Variants in ADPGK observed in about 807,000 individuals in gnomAD.
ADPGK encodes the protein ADP-dependent glucokinase.
ADPGK carries 26 observed loss-of-function variants against 42.4 expected under a neutral mutation model. The ratio of observed to expected loss-of-function variants is 0.61; its 90% confidence interval spans 0.45 to 0.85. The LOEUF (loss-of-function observed/expected upper bound fraction) is 0.85, where lower values mean the gene tolerates loss of function less well. Among genes scored for constraint, ADPGK ranks in the 40% least tolerant of loss-of-function variants. The pLI is 0.00. For missense variants in ADPGK, 571 were observed against 627.0 expected (o/e 0.91, Z 0.95); for synonymous variants, 267 against 252.6 (o/e 1.06, Z -0.54).
At chr15:72,773,153 T>C (rs2066349628) in intron 2 of ADPGK, among the ~76,000 whole-genome samples, 1 of 152,002 alleles carries the variant, frequency 6.6e-6, no homozygotes, top group African/African-American at 2.4e-5. Flanking sequence ...AATCTCATAA[T>C]GTTTTAAGAA....
chr15:72,758,665 ACT>A (rs1237206260), intron 4 of ADPGK: 1 of 175,520 alleles, frequency 5.7e-6, no homozygotes, highest in South Asian at 1.3e-4. Context: ...GGATGGAGAC[ACT>A]CTCTTTGTGC....
Position 72,756,299 on chromosome 15 carries a change from G to A in ADPGK, c.792C>T (p.His264=), listed in dbSNP as rs769363786. The A allele has an allele frequency of 6.2e-7, 1 of 1,614,214 alleles. No homozygotes were observed. The highest frequency in any genetic ancestry group is 8.5e-7 in the Non-Finnish European group (1 of 1,180,050). Residue 264 remains histidine, a synonymous_variant, in exon 5 of 7, where the codon CAC becomes CAT. Coordinates refer to ENST00000456471, the MANE Select transcript of ADPGK (RefSeq NM_001365225.1). ...QPDLVVLSGL[H]MMEGQSKELQ... is the part of the protein sequence containing the mutation. ...GCTCCTTGCTTTGTCCCTCCATCAT[G>A]TGCAATCCAGAGAGGACCACCAGGT...
intron 6 of ADPGK, among the ~76,000 whole-genome samples, chr15:72,754,704 A>G (rs2151068980): frequency 6.6e-6 from 1 of 152,338 alleles, no homozygotes; most frequent in East Asian, 1.9e-4. Context: ...CATTTTAACC[A>G]TATGGCTATG....
chr15:72,756,440 C>T lies in ADPGK; in HGVS notation c.651G>A (p.Glu217=), dbSNP rs1193757464. Residue 217 remains glutamate (E), a synonymous_variant, in exon 5 of 7, where the codon GAG becomes GAA. Transcript: ENST00000456471. ...CATGGGGAGCTTTTAACTGGCCCCA[C>T]TCCTCCCCTGGAAAAACCCAGTCAA... ...HLILEYQAGE[E]WGQLKAPHAN... The T allele has an allele frequency of 1.2e-6, 2 of 1,614,162 alleles. No homozygotes were observed. The highest frequency in any genetic ancestry group is 8.5e-7 in the Non-Finnish European group (1 of 1,180,030).
chr15:72,766,370 T>C (rs1595796726), intron 3 of ADPGK, among the ~76,000 whole-genome samples: 1 of 152,212 alleles, frequency 6.6e-6, no homozygotes, highest in East Asian at 1.9e-4. Context: ...AGTTAACTGA[T>C]GTGGCAAACT....
In ADPGK at chr15:72,752,903, AAAC is replaced by A. The variant is rs746752094; in HGVS notation, c.940-11_940-9del. The A allele has an allele frequency of 1.5e-5, 24 of 1,604,414 alleles. No individual in the cohort carries two copies. The East Asian group carries it at 2.7e-4, about 18-fold the overall frequency. On this transcript the variant is annotated splice_polypyrimidine_tract_variant and intron_variant, in intron 6 of 6. Coordinates refer to ENST00000456471, the MANE Select transcript of ADPGK (RefSeq NM_001365225.1). ...CACCGCGGGAAAGACCTGCTAACAA[AAAC>A]AACAACAGGTATCTTTCTGATGGAG...
rs192015434 is a variant in ADPGK, at chr15:72,760,515, C to T, written c.535G>A (p.Gly179Ser). The T allele has an allele frequency of 2.9e-4, 462 of 1,602,892 alleles. No homozygotes were observed. The African/African-American group carries it at 5.4e-3, about 19-fold the overall frequency. ...ANSDLKVLLC[G>S]PVGPKLHELL... ...TCATGTAGCTTTGGACCAACTGGAC[C>T]GCAAAGAAGAACCTGGAGGCAAGCA... The change falls in exon 4 of 7, where the codon GGT (glycine) becomes AGT (serine). Residue 179 changes from glycine to serine, a missense_variant. This residue lies in a region of ADPGK where 434 missense variants were observed against 522.7 expected (regional missense o/e 0.83). Coordinates refer to ENST00000456471, the MANE Select transcript of ADPGK (RefSeq NM_001365225.1).
rs145859476 is a variant in ADPGK at position 72,758,414 on chromosome 15, G to A, written c.644-1967C>T. Reference sequence around the variant, plus strand: ...ACAATGGGCTTCTCTGGGGAGATCTGGTAAGAGAGAATGTGGAAAAAAAAA... The same window carrying A: ...ACAATGGGCTTCTCTGGGGAGATCTAGTAAGAGAGAATGTGGAAAAAAAAA... On this transcript the variant is annotated intron_variant, in intron 4 of 6. Transcript: ENST00000456471. 7.5e-3 allele frequency: 3,674 copies of A among 486,992 alleles called. 103 individuals carry two copies. Among genetic ancestry groups the A allele is most frequent in the South Asian group, 0.051 (2,221 of 43,642 alleles). The allele number at this position is 486,992 out of a possible 1,614,324, so 30.2% of individuals were successfully genotyped here.
intron 3 of ADPGK, 47 bp from the exon 4 acceptor site, chr15:72,760,574 C>T: frequency 6.4e-7 from 1 of 1,569,190 alleles, no homozygotes. Flanking sequence ...GTTCCTTTCC[C>T]CACAGAACCT....
At chr15:72,759,844 G>C (rs2151074986) in intron 4 of ADPGK, among the ~76,000 whole-genome samples, 2 of 152,336 alleles carry the variant, frequency 1.3e-5, no homozygotes, top group Admixed American at 1.3e-4. Context: ...GGGAAGAGGG[G>C]ATGGGATGCA....
chr15:72,783,423 C>A, intron 1 of ADPGK, 36 bp downstream of exon 1: 1 of 1,326,646 alleles, frequency 7.5e-7, no homozygotes, highest in African/African-American at 1.5e-5. Flanking sequence ...AGGCCGACCT[C>A]GGAGGCTCAG....
intron 6 of ADPGK, 124 bp from the exon 7 acceptor site, chr15:72,753,019 A>C: frequency 2.1e-6 from 2 of 945,546 alleles, no homozygotes; most frequent in South Asian, 3.5e-5. Context: ...TTGATACAGG[A>C]CTCCCTGGCC....
At position 72,752,732 on chromosome 15, in the gene ADPGK, C is replaced by G. The variant is rs760005191; in HGVS notation, c.1103G>C (p.Arg368Thr). 1.2e-6 allele frequency: 2 copies of G among 1,614,192 alleles called. No homozygotes were observed. Among genetic ancestry groups the G allele is most frequent in the South Asian group, 2.2e-5 (2 of 91,086 alleles). ...ILFWILKEHG[R>T]SKSRASDLTR... ...GAGATCCGAGGCTCTGCTTTTACTC[C>G]TCCCATGTTCTTTCAAGATCCAGAA... The change falls in exon 7 of 7, where the codon AGG (arginine) becomes ACG (threonine). Residue 368 changes from arginine (R) to threonine (T), a missense_variant. Transcript: ENST00000456471.
chr15:72,756,703 CCT>C (rs1348138393), intron 4 of ADPGK: 32 of 501,446 alleles, frequency 6.4e-5, no homozygotes, highest in East Asian at 5.6e-4. Flanking sequence ...ATTAGCTCCC[CCT>C]GAGTCCCAGG....
intron 1 of ADPGK, among the ~76,000 whole-genome samples, chr15:72,779,272 G>C (rs1024360022): frequency 2.7e-5 from 3 of 110,884 alleles, no homozygotes; most frequent in African/African-American, 1.1e-4. Flanking sequence ...TTTTGAGATA[G>C]AGTCTCACTC....
At chr15:72,755,741 T>A (rs1595787925) in intron 5 of ADPGK, 87 bp from the exon 6 acceptor site, 1 of 1,046,130 alleles carries the variant, frequency 9.6e-7, no homozygotes, top group South Asian at 1.4e-5. Context: ...TGAGAGGCGG[T>A]TCCTCCTGGT....
rs749692214 is a variant in ADPGK, at chr15:72,783,606, C to G, written c.86G>C (p.Gly29Ala). Residue 29 changes from glycine to alanine, a missense_variant, in exon 1 of 7, where the codon GGC (glycine) becomes GCC (alanine). Physicochemically the swap from Gly to Ala is moderately conservative, Grantham distance 60. This residue lies in a region of ADPGK where 137 missense variants were observed against 104.2 expected (regional missense o/e 1.31). Transcript: ENST00000456471. ...CVFLLEPELPGSALRSLWSSL... is the reference protein window; with the variant it reads ...CVFLLEPELPASALRSLWSSL... ...GCTCCAGAGAGAGCGCAGCGCCGAG[C>G]CTGGCAGCTCTGGCTCCAGCAGGAA... is the stretch of plus-strand genomic sequence containing the variant. 2 of 1,516,232 alleles carry G rather than the reference C, an allele frequency of 1.3e-6. No homozygotes were observed. Among genetic ancestry groups the G allele is most frequent in the South Asian group, 2.4e-5 (2 of 81,776 alleles). The allele number at this position is 1,516,232 out of a possible 1,614,324, so 93.9% of individuals were successfully genotyped here.
At chr15:72,780,802 A>C (rs2151096533) in intron 1 of ADPGK, among the ~76,000 whole-genome samples, 1 of 152,268 alleles carries the variant, frequency 6.6e-6, no homozygotes, top group African/African-American at 2.4e-5. Context: ...AAACTAAACA[A>C]GATATCCAAT....
At chr15:72,768,243 A>G (rs370600528) in intron 3 of ADPGK, among the ~76,000 whole-genome samples, 7 of 152,110 alleles carry the variant, frequency 4.6e-5, no homozygotes, top group East Asian at 3.8e-4. Context: ...GGATTTCCCT[A>G]TATCTATTAA....
Sources: allele counts gnomAD v4.1 joint callset (sites outside exome capture counted in the v4.1 genomes callset), GRCh38; gene constraint gnomAD v4.1.1; regional missense constraint gnomAD v4.1.1; transcripts MANE v1.5; gene names NCBI Gene and HGNC (gene_info 2026-07-23, HGNC 2026-07-21).